KHDRBS2: variants seen among roughly 807,000 people sequenced by gnomAD.
KHDRBS2 encodes KH RNA binding domain containing, signal transduction associated 2.
A neutral mutation model predicts 44.3 loss-of-function variants in KHDRBS2; 26 were observed. That is an observed-to-expected ratio of 0.59 (90% CI 0.43 to 0.81). The LOEUF (loss-of-function observed/expected upper bound fraction) is 0.81, where lower values mean the gene tolerates loss of function less well. Among genes scored for constraint, KHDRBS2 ranks in the 40% least tolerant of loss-of-function variants. The pLI is 0.00. For missense variants in KHDRBS2, 476 were observed against 433.1 expected (o/e 1.10, Z -0.88); for synonymous variants, 194 against 151.1 (o/e 1.28, Z -2.08).
chr6:62,042,237 A>C (rs1399851959), intron 3 of KHDRBS2, among the ~76,000 whole-genome samples: 1 of 151,874 alleles, frequency 6.6e-6, no homozygotes, highest in Non-Finnish European at 1.5e-5. Flanking sequence ...TCAAACATAA[A>C]TAAAATTCCA....
intron 6 of KHDRBS2, among the ~76,000 whole-genome samples, chr6:61,876,090 A>G (rs1799371711): frequency 6.6e-6 from 1 of 152,046 alleles, no homozygotes; most frequent in Non-Finnish European, 1.5e-5. Flanking sequence ...AACTTAAAAG[A>G]TTAGGTTTTG....
the KHDRBS2 span, among the ~76,000 whole-genome samples, chr6:61,601,959 C>T: frequency 2.0e-5 from 3 of 152,122 alleles, no homozygotes; most frequent in Admixed American, 2.0e-4. Flanking sequence ...TATCCGACCT[C>T]TCCCAAATCA....
intron 1 of KHDRBS2, among the ~76,000 whole-genome samples, chr6:62,259,820 C>T (rs1838038796): frequency 6.6e-6 from 1 of 151,912 alleles, no homozygotes; most frequent in African/African-American, 2.4e-5. Context: ...ATCAATAAAG[C>T]ACAAATAAAA....
chr6:61,788,604 C>A (rs1398839412), intron 6 of KHDRBS2, among the ~76,000 whole-genome samples: 1 of 151,022 alleles, frequency 6.6e-6, no homozygotes, highest in Non-Finnish European at 1.5e-5. Flanking sequence ...AAGATAGATA[C>A]CACATATCTA....
chr6:61,639,323 C>A, the KHDRBS2 span, among the ~76,000 whole-genome samples: 1 of 152,046 alleles, frequency 6.6e-6, no homozygotes, highest in East Asian at 1.9e-4. Context: ...CATAAATATT[C>A]TGCTTCTGCT....
chr6:61,681,196 A>G (rs1330306260), intron 8 of KHDRBS2, 136 bp from the exon 9 acceptor site: 2 of 624,322 alleles, frequency 3.2e-6, no homozygotes, highest in Non-Finnish European at 5.7e-6. Flanking sequence ...TTTTTTCCAC[A>G]TCGTGAGACC....
chr6:61,955,732 A>ACACT (rs140199343), intron 4 of KHDRBS2, among the ~76,000 whole-genome samples: 110,164 of 126,258 alleles, frequency 0.87, 48,859 homozygotes, highest in African/African-American at 0.94. Context: ...ACATATATAG[A>ACACT]CAGAGAGAGA....
chr6:61,732,647 C>T (rs1467881433), intron 7 of KHDRBS2, 35 bp downstream of exon 7: 1 of 1,233,578 alleles, frequency 8.1e-7, no homozygotes, highest in Non-Finnish European at 1.2e-6. Flanking sequence ...TAGAGATAAT[C>T]CTGAGAAGGC....
chr6:62,059,190 G>A (rs1474435149), intron 2 of KHDRBS2, among the ~76,000 whole-genome samples: 5 of 81,736 alleles, frequency 6.1e-5, no homozygotes, highest in Non-Finnish European at 1.1e-4. Flanking sequence ...ACATAGAAAA[G>A]TTAGGAAGTT....
intron 1 of KHDRBS2, among the ~76,000 whole-genome samples, chr6:62,269,796 T>A (rs1371727007): frequency 6.6e-6 from 1 of 152,108 alleles, no homozygotes; most frequent in Non-Finnish European, 1.5e-5. Context: ...TAACAACTTA[T>A]CTATAATCAG....
chr6:61,725,327 C>T (rs766095065), intron 7 of KHDRBS2, among the ~76,000 whole-genome samples: 1 of 151,998 alleles, frequency 6.6e-6, no homozygotes, highest in African/African-American at 2.4e-5. Context: ...GTAATAAATG[C>T]CCATATGTAA....
chr6:62,285,742 G>C, intron 1 of KHDRBS2, 116 bp downstream of exon 1: 1 of 672,872 alleles, frequency 1.5e-6, no homozygotes, highest in East Asian at 2.9e-5. Flanking sequence ...ATCTTCAGGG[G>C]GACAGTTTCT....
chr6:61,848,526 T>TAC lies in KHDRBS2; in HGVS notation c.810+46108_810+46109insGT, dbSNP rs1562294582. Among the ~76,000 whole-genome samples the TAC allele has an allele frequency of 2.6e-4, 14 of 54,832 alleles. No homozygotes were observed. In the East Asian group the frequency reaches 4.1e-3, roughly 16 times the overall value. 36.0% of individuals were successfully genotyped at this position (54,832 alleles called of 152,430 possible). On this transcript the variant is annotated intron_variant, in intron 6 of 8. Coordinates refer to ENST00000281156, the MANE Select transcript of KHDRBS2 (RefSeq NM_152688.4). ...ATATATATATGTATATATGTATATA[T>TAC]ATATACATATATATGTATATATATA...
At chr6:61,911,192 T>C (rs1054891679) in intron 4 of KHDRBS2, among the ~76,000 whole-genome samples, 2 of 152,218 alleles carry the variant, frequency 1.3e-5, no homozygotes, top group Admixed American at 6.5e-5. Context: ...GGCCTTCCTC[T>C]GGACGTGGAA....
chr6:61,764,626 C>T (rs62426177), intron 6 of KHDRBS2, among the ~76,000 whole-genome samples: 3 of 152,012 alleles, frequency 2.0e-5, no homozygotes, highest in Non-Finnish European at 4.4e-5. Flanking sequence ...CTCTAATGAT[C>T]AGTGATATCG....
intron 6 of KHDRBS2, among the ~76,000 whole-genome samples, chr6:61,859,295 T>C (rs1172109243): frequency 6.6e-6 from 1 of 151,798 alleles, no homozygotes. Flanking sequence ...CATATACGCT[T>C]GGGGCAGGAG....
intron 2 of KHDRBS2, among the ~76,000 whole-genome samples, chr6:62,083,224 C>T (rs566871638): frequency 1.3e-5 from 2 of 152,200 alleles, no homozygotes; most frequent in African/African-American, 4.8e-5. Context: ...ACCAGCTTAA[C>T]ATCGGTGAGA....
the KHDRBS2 span, among the ~76,000 whole-genome samples, chr6:61,600,759 A>T: frequency 6.6e-6 from 1 of 152,230 alleles, no homozygotes; most frequent in Middle Eastern, 3.4e-3. Flanking sequence ...CCCAAGGAAC[A>T]TCTCACCAAT....
the KHDRBS2 span, among the ~76,000 whole-genome samples, chr6:61,655,709 A>G: frequency 6.6e-6 from 1 of 152,108 alleles, no homozygotes; most frequent in Admixed American, 6.6e-5. Context: ...TTTCTCTAAA[A>G]GAAATTGCAA....
Sources: allele counts gnomAD v4.1 joint callset (sites outside exome capture counted in the v4.1 genomes callset), GRCh38; gene constraint gnomAD v4.1.1; transcripts MANE v1.5; gene names NCBI Gene and HGNC (gene_info 2026-07-23, HGNC 2026-07-21).